The following PAG1 variants were observed in gnomAD, a reference collection of about 807,000 sequenced individuals.
PAG1 encodes phosphoprotein membrane anchor with glycosphingolipid microdomains 1.
PAG1 carries 23 observed loss-of-function variants against 31.7 expected under a neutral mutation model. The ratio of observed to expected loss-of-function variants is 0.73; its 90% CI spans 0.52 to 1.03. The LOEUF is 1.03. Among genes scored for constraint, PAG1 ranks in the 50% least tolerant of loss-of-function variants. The probability of loss-of-function intolerance (pLI) is 0.00; values close to 1 mark genes in which losing one functional copy is unlikely to be tolerated. For missense variants in PAG1, 473 were observed against 540.7 expected, an observed-to-expected ratio of 0.87 and a Z score of 1.24; for synonymous variants, 214 against 210.3, an observed-to-expected ratio of 1.02 and a Z score of -0.15.
intron 3 of PAG1, among the ~76,000 whole-genome samples, chr8:81,028,326 C>A (rs1005233167): frequency 7.9e-5 from 12 of 152,226 alleles, no homozygotes; most frequent in African/African-American, 2.9e-4. Flanking sequence ...GCATCTCTTA[C>A]CTCAATGCAC....
chr8:80,992,746 T>C (rs1807577661), intron 4 of PAG1, among the ~76,000 whole-genome samples: 2 of 152,158 alleles, frequency 1.3e-5, no homozygotes, highest in South Asian at 4.2e-4. Flanking sequence ...TTCCGCAGGG[T>C]GGTGGCAAAA....
chr8:81,014,240 C>T (rs1808034665), intron 3 of PAG1, among the ~76,000 whole-genome samples: 1 of 152,208 alleles, frequency 6.6e-6, no homozygotes, highest in Non-Finnish European at 1.5e-5. Flanking sequence ...TCCTTGCCAA[C>T]ACAAATTTTA....
chr8:81,064,823 C>T (rs1053549678), intron 2 of PAG1, among the ~76,000 whole-genome samples: 5 of 152,200 alleles, frequency 3.3e-5, no homozygotes, highest in Non-Finnish European at 2.9e-5. Context: ...ACTGACATGC[C>T]ACCAGGTTAT....
chr8:81,026,073 T>C (rs2130763895), intron 3 of PAG1, among the ~76,000 whole-genome samples: 1 of 152,264 alleles, frequency 6.6e-6, no homozygotes. Flanking sequence ...CTCTGAGCTT[T>C]AGTTTCCTCT....
chr8:81,024,379 C>A (rs1209726034), intron 3 of PAG1, among the ~76,000 whole-genome samples: 1 of 152,144 alleles, frequency 6.6e-6, no homozygotes, highest in Non-Finnish European at 1.5e-5. Context: ...GCGGCTGACA[C>A]CCCCGGGCTC....
At chr8:81,097,395 AATGTGT>A (rs1174701387) in intron 1 of PAG1, among the ~76,000 whole-genome samples, 2 of 152,190 alleles carry the variant, frequency 1.3e-5, no homozygotes, top group Non-Finnish European at 1.5e-5. Flanking sequence ...AACAAGAAGG[AATGTGT>A]GCAAACTCAG....
chr8:81,024,357 G>A (rs1439861456), intron 3 of PAG1, among the ~76,000 whole-genome samples: 1 of 152,096 alleles, frequency 6.6e-6, no homozygotes, highest in Non-Finnish European at 1.5e-5. Flanking sequence ...CACAAAGGAG[G>A]CCATCTGGAG....
At chr8:81,002,504 A>G (rs1807804484) in intron 3 of PAG1, among the ~76,000 whole-genome samples, 1 of 152,208 alleles carries the variant, frequency 6.6e-6, no homozygotes, top group Non-Finnish European at 1.5e-5. Context: ...GCAGATGGTC[A>G]TTTCATATGT....
intron 2 of PAG1, among the ~76,000 whole-genome samples, chr8:81,031,518 C>T (rs1291599934): frequency 1.3e-5 from 2 of 152,204 alleles, no homozygotes; most frequent in African/African-American, 4.8e-5. Flanking sequence ...TCATCATGGT[C>T]AATCCAGGGA....
chr8:81,084,331 G>A (rs550678443), intron 1 of PAG1, among the ~76,000 whole-genome samples: 3 of 152,262 alleles, frequency 2.0e-5, no homozygotes, highest in South Asian at 4.1e-4. Flanking sequence ...TAAGGACATT[G>A]CATTTGCTAT....
At chr8:81,019,762 G>A (rs913372261) in intron 3 of PAG1, among the ~76,000 whole-genome samples, 9 of 152,224 alleles carry the variant, frequency 5.9e-5, no homozygotes, top group Non-Finnish European at 1.3e-4. Context: ...CCCCTACACA[G>A]AGTTCCCACT....
chr8:80,999,870 G>A (rs1563623947), intron 3 of PAG1, among the ~76,000 whole-genome samples: 1 of 152,164 alleles, frequency 6.6e-6, no homozygotes, highest in Non-Finnish European at 1.5e-5. Flanking sequence ...CAATTCTCAA[G>A]GTTCATTTTT....
intron 3 of PAG1, among the ~76,000 whole-genome samples, chr8:81,021,329 T>A (rs1255501443): frequency 6.6e-6 from 1 of 152,030 alleles, no homozygotes; most frequent in South Asian, 2.1e-4. Context: ...AGTCTATTAT[T>A]AACAACTTAC....
intron 2 of PAG1, among the ~76,000 whole-genome samples, chr8:81,047,165 G>A (rs1242911488): frequency 6.6e-6 from 1 of 152,220 alleles, no homozygotes; most frequent in Non-Finnish European, 1.5e-5. Flanking sequence ...ATGTGTGCAT[G>A]TATTTTTATA....
intron 5 of PAG1, 139 bp downstream of exon 5, chr8:80,991,340 A>C: frequency 1.4e-6 from 1 of 698,600 alleles, no homozygotes; most frequent in Admixed American, 2.1e-5. Flanking sequence ...CATCCATTTC[A>C]GAAGCCACCG....
intron 2 of PAG1, among the ~76,000 whole-genome samples, chr8:81,069,213 G>T (rs1809056116): frequency 6.6e-6 from 1 of 152,174 alleles, no homozygotes; most frequent in African/African-American, 2.4e-5. Context: ...GGTTACTCTG[G>T]CAAGAGAAGG....
chr8:81,086,272 C>T (rs537780047), intron 1 of PAG1, among the ~76,000 whole-genome samples: 12 of 152,070 alleles, frequency 7.9e-5, no homozygotes, highest in East Asian at 3.9e-4. Context: ...TGAGCCACCG[C>T]GCCCGGCCAA....
chr8:81,067,577 T>C (rs920347893), intron 2 of PAG1: 1 of 152,254 alleles, frequency 6.6e-6, no homozygotes, highest in African/African-American at 2.4e-5. Context: ...ATGCTGAAAT[T>C]AACCTCGTCT....
intron 2 of PAG1, among the ~76,000 whole-genome samples, chr8:81,037,562 G>A (rs528813483): frequency 6.6e-6 from 1 of 152,306 alleles, no homozygotes; most frequent in South Asian, 2.1e-4. Flanking sequence ...GTGTTTAAGA[G>A]AAGCTCTATA....
Sources: allele counts gnomAD v4.1 joint callset (sites outside exome capture counted in the v4.1 genomes callset), GRCh38; gene constraint gnomAD v4.1.1; transcripts MANE v1.5; gene names NCBI Gene and HGNC (gene_info 2026-07-23, HGNC 2026-07-21).